CDH13: variants seen among roughly 807,000 people sequenced by gnomAD.
CDH13 encodes cadherin 13, also known as cadherin-13.
Under a neutral mutation model 63.8 loss-of-function variants are expected in CDH13, and 24 were observed. The ratio of observed to expected loss-of-function variants is 0.38; its 90% CI spans 0.27 to 0.53. The LOEUF (loss-of-function observed/expected upper bound fraction) is 0.53, where lower values mean the gene tolerates loss of function less well. CDH13 is among the 20% of genes least tolerant of loss of function. The pLI, the probability that CDH13 is intolerant of heterozygous loss-of-function variation, is 0.85. For synonymous variants in CDH13, 503 were observed against 355.3 expected (o/e 1.42, Z -4.67); for missense variants, 1,049 against 903.1 (o/e 1.16, Z -2.07).
intron 1 of CDH13, among the ~76,000 whole-genome samples, chr16:82,846,372 TC>T (rs2039256323): frequency 2.0e-5 from 3 of 152,028 alleles, no homozygotes; most frequent in Admixed American, 1.3e-4. Context: ...GAAATATATA[TC>T]AGCTATCAAT....
At position 82,843,065 on chromosome 16, in the gene CDH13, C is replaced by G. The variant is rs770113039; in HGVS notation, c.46-15297C>G. Reference sequence around the variant, plus strand: ...GTTCCTAAAAGGCTGCAGATGGATACCCATCCATGGCCTGGGGATTGGGCA... The same window carrying G: ...GTTCCTAAAAGGCTGCAGATGGATAGCCATCCATGGCCTGGGGATTGGGCA... On this transcript the variant is annotated intron_variant, in intron 1 of 13. Coordinates refer to ENST00000567109, the MANE Select transcript of CDH13 (RefSeq NM_001257.5). Among the ~76,000 whole-genome samples, 132 of 152,304 alleles carry G rather than the reference C, an allele frequency of 8.7e-4. 1 individual carries two copies. Among genetic ancestry groups the G allele is most frequent in the African/African-American group, 2.8e-3 (116 of 41,564 alleles).
intron 1 of CDH13, among the ~76,000 whole-genome samples, chr16:82,831,589 A>G (rs2038543792): frequency 6.6e-6 from 1 of 152,224 alleles, no homozygotes; most frequent in African/African-American, 2.4e-5. Context: ...TGTGGACCAC[A>G]CTACCCGAAG....
At chr16:83,504,598 C>T (rs756735356) in intron 7 of CDH13, among the ~76,000 whole-genome samples, 1 of 152,164 alleles carries the variant, frequency 6.6e-6, no homozygotes, top group Non-Finnish European at 1.5e-5. Flanking sequence ...ATGGGACCCA[C>T]TCCGGGTGCT....
chr16:83,193,937 C>G (rs577756441), intron 4 of CDH13, among the ~76,000 whole-genome samples: 34 of 152,326 alleles, frequency 2.2e-4, no homozygotes, highest in African/African-American at 7.7e-4. Context: ...AGACACTTAA[C>G]TAATGTCAAG....
intron 11 of CDH13, among the ~76,000 whole-genome samples, chr16:83,758,362 G>C (rs1913684922): frequency 6.6e-6 from 1 of 151,770 alleles, no homozygotes; most frequent in South Asian, 2.1e-4. Flanking sequence ...AAAATGATAT[G>C]ATCATCTCAA....
At chr16:82,782,825 G>C (rs2035826424) in intron 1 of CDH13, among the ~76,000 whole-genome samples, 1 of 152,132 alleles carries the variant, frequency 6.6e-6, no homozygotes, top group African/African-American at 2.4e-5. Flanking sequence ...CTGCCTTTCA[G>C]CTCCAAGTTC....
At chr16:82,826,674 A>G (rs992595395) in intron 1 of CDH13, 1 of 152,220 alleles carries the variant, frequency 6.6e-6, no homozygotes, top group Admixed American at 6.5e-5. Context: ...GCTTCGTACA[A>G]TGAAGAGTGC....
At chr16:82,829,696 G>A (rs531951325) in intron 1 of CDH13, 14 of 152,080 alleles carry the variant, frequency 9.2e-5, no homozygotes, top group South Asian at 6.2e-4. Context: ...TTGGCTTTGC[G>A]TTACAGAACT....
At chr16:82,794,837 C>A (rs2036504180) in intron 1 of CDH13, among the ~76,000 whole-genome samples, 1 of 152,146 alleles carries the variant, frequency 6.6e-6, no homozygotes, top group Admixed American at 6.5e-5. Flanking sequence ...GATTCTTCTG[C>A]CTGAATTCCT....
chr16:83,710,033 C>G (rs1907771421), intron 10 of CDH13: 1 of 152,190 alleles, frequency 6.6e-6, no homozygotes, highest in African/African-American at 2.4e-5. Flanking sequence ...GATCTTGCCC[C>G]CAGATGACAT....
At chr16:82,876,862 C>T (rs201486210) in intron 2 of CDH13, among the ~76,000 whole-genome samples, 1 of 152,160 alleles carries the variant, frequency 6.6e-6, no homozygotes, top group African/African-American at 2.4e-5. Context: ...GTAGCCCAAA[C>T]AAGGGGAGGA....
At chr16:82,754,894 G>C (rs1046065626) in intron 1 of CDH13, among the ~76,000 whole-genome samples, 3 of 152,118 alleles carry the variant, frequency 2.0e-5, no homozygotes, top group Admixed American at 6.5e-5. Context: ...AGGTATTTTT[G>C]GTTCATTACT....
intron 1 of CDH13, among the ~76,000 whole-genome samples, chr16:82,693,883 T>A (rs1442429950): frequency 6.6e-6 from 1 of 152,186 alleles, no homozygotes. Flanking sequence ...GAAAATCTTA[T>A]AACATTCTTG....
rs369342794 is a variant in CDH13, at chr16:82,672,632, A to G, written c.45+45495A>G. On this transcript the variant is annotated intron_variant, in intron 1 of 13. Transcript: ENST00000567109. ...TCTAGGTGATCAGTCACCAACTCCT[A>G]TTATTTCCTCCTCCATCTGCCTTGT... is the stretch of plus-strand genomic sequence containing the variant. Among the ~76,000 whole-genome samples the G allele has an allele frequency of 5.9e-5, 9 of 151,978 alleles. No homozygotes were observed. In the East Asian group the frequency reaches 1.5e-3, roughly 26 times the overall value.
chr16:83,425,238 G>T (rs1032981129), intron 6 of CDH13, among the ~76,000 whole-genome samples: 1 of 152,172 alleles, frequency 6.6e-6, no homozygotes, highest in Non-Finnish European at 1.5e-5. Flanking sequence ...GCCATTTGAT[G>T]ACTTGGGAAT....
At chr16:82,627,584 G>A (rs1258256468) in intron 1 of CDH13, among the ~76,000 whole-genome samples, 2 of 152,082 alleles carry the variant, frequency 1.3e-5, no homozygotes, top group Non-Finnish European at 2.9e-5. Context: ...GCTCGGGTCC[G>A]GATTGCGGGA....
chr16:82,797,777 G>GTGTGTGTGTGTC (rs1719079055), intron 1 of CDH13, among the ~76,000 whole-genome samples: 1 of 117,884 alleles, frequency 8.5e-6, no homozygotes, highest in Non-Finnish European at 1.8e-5. Flanking sequence ...TTAGGGCCGT[G>GTGTGTGTGTGTC]TGTGTGTGTG....
chr16:83,027,041 G>T (rs938425061), intron 2 of CDH13, among the ~76,000 whole-genome samples: 1 of 151,834 alleles, frequency 6.6e-6, no homozygotes, highest in East Asian at 1.9e-4. Flanking sequence ...AGGTCACTAC[G>T]GGCCTCTTAT....
chr16:82,939,768 C>A (rs553719409), intron 2 of CDH13, among the ~76,000 whole-genome samples: 2 of 152,136 alleles, frequency 1.3e-5, no homozygotes, highest in Non-Finnish European at 2.9e-5. Flanking sequence ...TTTTTTAAAC[C>A]CATTTCTCTA....
Sources: allele counts gnomAD v4.1 joint callset (sites outside exome capture counted in the v4.1 genomes callset), GRCh38; gene constraint gnomAD v4.1.1; transcripts MANE v1.5; gene names NCBI Gene and HGNC (gene_info 2026-07-23, HGNC 2026-07-21).